The following FOXP2 variants were observed in gnomAD, a reference collection of about 807,000 sequenced individuals.
The protein encoded by FOXP2 is forkhead box P2, also known as forkhead box protein P2.
A neutral mutation model predicts 115.8 loss-of-function variants in FOXP2; 12 were observed. That is an observed-to-expected ratio of 0.10 (90% CI 0.07 to 0.17). The LOEUF (loss-of-function observed/expected upper bound fraction) is 0.17, where lower values mean the gene tolerates loss of function less well. FOXP2 is among the 10% of genes least tolerant of loss of function. The pLI is 1.00. For missense variants in FOXP2, 629 were observed against 843.5 expected (o/e 0.75, Z 3.15); for synonymous variants, 328 against 297.7 (o/e 1.10, Z -1.05).
intron 2 of FOXP2, among the ~76,000 whole-genome samples, chr7:114,526,529 C>G (rs926507031): frequency 6.7e-6 from 1 of 150,088 alleles, no homozygotes; most frequent in Non-Finnish European, 1.5e-5. Flanking sequence ...CAAACTGTAA[C>G]TCTCTTTTAT....
intron 2 of FOXP2, among the ~76,000 whole-genome samples, chr7:114,468,774 C>G (rs575430493): frequency 5.2e-4 from 79 of 152,122 alleles, no homozygotes; most frequent in African/African-American, 1.8e-3. Context: ...ATATCTATCC[C>G]CTGCAAACTA....
chr7:114,285,182 TA>T (rs1796437382), intron 1 of FOXP2, among the ~76,000 whole-genome samples: 1 of 152,084 alleles, frequency 6.6e-6, no homozygotes, highest in Non-Finnish European at 1.5e-5. Flanking sequence ...AAATAAATAA[TA>T]AAATTAGTTT....
At chr7:114,635,859 G>C (rs1252188654) in intron 6 of FOXP2, among the ~76,000 whole-genome samples, 1 of 152,068 alleles carries the variant, frequency 6.6e-6, no homozygotes, top group African/African-American at 2.4e-5. Context: ...TTTTGTAATA[G>C]AATATCCATC....
chr7:114,258,489 C>T (rs1301639988), intron 1 of FOXP2, among the ~76,000 whole-genome samples: 2 of 152,116 alleles, frequency 1.3e-5, no homozygotes, highest in Non-Finnish European at 2.9e-5. Flanking sequence ...TCTGGAATGG[C>T]CCAGGAACAC....
chr7:114,240,186 G>A (rs1795115408), intron 1 of FOXP2, among the ~76,000 whole-genome samples: 1 of 152,274 alleles, frequency 6.6e-6, no homozygotes, highest in East Asian at 1.9e-4. Flanking sequence ...AGAAACAATG[G>A]CACTTGAAAG....
chr7:114,616,165 G>A (rs576632990), intron 3 of FOXP2, among the ~76,000 whole-genome samples: 5 of 147,454 alleles, frequency 3.4e-5, no homozygotes, highest in East Asian at 3.9e-4. Flanking sequence ...TTTTGTTGTC[G>A]TTTTTGTTTT....
intron 2 of FOXP2, among the ~76,000 whole-genome samples, chr7:114,451,820 A>G (rs886674055): frequency 3.3e-5 from 5 of 152,082 alleles, no homozygotes; most frequent in Non-Finnish European, 7.4e-5. Context: ...GAAAGTGACA[A>G]TTAAGCTAAG....
At position 114,329,660 on chromosome 7, in the gene FOXP2, ATTTATTTATTTATTTATTTATT is replaced by A; in HGVS notation, c.-11+41553_-11+41574del. On this transcript the variant is annotated intron_variant, in intron 2 of 17. Coordinates refer to the FOXP2 transcript ENST00000634411. ...CTATGTAAGTTTTATTTATTTATTTATTTATTTATTTATTTATTTATTTATTTATTTTATGAGATGCAGTCTT... is the reference window on the plus strand; with the variant it reads ...CTATGTAAGTTTTATTTATTTATTTATATTTATTTTATGAGATGCAGTCTT... 7.1e-5 allele frequency among the ~76,000 whole-genome samples: 2 copies of A among 28,368 alleles called. 1 individual carries two copies. The highest frequency in any genetic ancestry group is 1.1e-3 in the Admixed American group (2 of 1,798). 18.6% of individuals were successfully genotyped at this position (28,368 alleles called of 152,430 possible).
chr7:114,514,791 T>C (rs1798248545), intron 2 of FOXP2, among the ~76,000 whole-genome samples: 1 of 151,996 alleles, frequency 6.6e-6, no homozygotes, highest in Non-Finnish European at 1.5e-5. Context: ...TATGTATACA[T>C]GTGCCATGCT....
chr7:114,663,492 T>C lies in FOXP2; in HGVS notation c.1812T>C (p.Tyr604=). ...LVKNIPTSLG[Y]GAALNASLQA... The stretch of plus-strand genomic sequence containing the variant: ...AAAATATACCTACCAGTTTAGGCTA[T>C]GGAGCAGCTCTTAATGCCAGTTTGC... Residue 604 remains tyrosine (Y), a synonymous_variant, in exon 15 of 17, where the codon TAT becomes TAC. Coordinates refer to ENST00000350908, the MANE Select transcript of FOXP2 (RefSeq NM_014491.4). 2 of 1,612,580 alleles carry C rather than the reference T, an allele frequency of 1.2e-6. No individual in the cohort carries two copies. Among genetic ancestry groups the C allele is most frequent in the Non-Finnish European group, 1.7e-6 (2 of 1,179,216 alleles).
At chr7:114,427,062 G>T (rs1056507318) in intron 2 of FOXP2, among the ~76,000 whole-genome samples, 12 of 151,808 alleles carry the variant, frequency 7.9e-5, no homozygotes, top group African/African-American at 2.7e-4. Flanking sequence ...ATTTCTTCAA[G>T]TCTGAGCTAA....
intron 4 of FOXP2, chr7:114,629,587 T>G: frequency 1.9e-6 from 3 of 1,544,178 alleles, no homozygotes; most frequent in Non-Finnish European, 2.6e-6. Context: ...TACCCTTTTG[T>G]TTAGGATTTT....
Position 114,284,505 on chromosome 7 carries a change from G to T in FOXP2, c.-101-3514G>T, listed in dbSNP as rs139521651. ...TTATGGCTTTAGGTTTCTAAAATAA[G>T]AGTTTTCTATATATCATTAAGTGAA... On this transcript the variant is annotated intron_variant, in intron 1 of 17. Coordinates refer to the FOXP2 transcript ENST00000634411. Among the ~76,000 whole-genome samples, 808 of 152,174 alleles carry T rather than the reference G, an allele frequency of 5.3e-3. 8 individuals carry two copies. Among genetic ancestry groups the T allele is most frequent in the African/African-American group, 0.019 (775 of 41,518 alleles).
chr7:114,223,361 C>A (rs944880052), intron 1 of FOXP2, among the ~76,000 whole-genome samples: 1 of 151,506 alleles, frequency 6.6e-6, no homozygotes, highest in African/African-American at 2.4e-5. Context: ...TCAGGTTGAT[C>A]AGCTTTTTAT....
upstream of FOXP2, among the ~76,000 whole-genome samples, chr7:114,159,633 A>G (rs1792776271): frequency 1.3e-5 from 2 of 152,150 alleles, no homozygotes; most frequent in South Asian, 4.1e-4. Context: ...ATAGCTATTA[A>G]TAATTGCAAT....
intron 2 of FOXP2, among the ~76,000 whole-genome samples, chr7:114,449,621 A>C (rs1794985114): frequency 6.6e-6 from 1 of 152,090 alleles, no homozygotes; most frequent in African/African-American, 2.4e-5. Context: ...TTTGAATAGA[A>C]TCTTGAATAC....
chr7:114,390,522 G>GTATGTATTTATT (rs1554382697), intron 2 of FOXP2, among the ~76,000 whole-genome samples: 24 of 148,364 alleles, frequency 1.6e-4, no homozygotes, highest in African/African-American at 5.0e-4. Context: ...TTTTATTTAT[G>GTATGTATTTATT]TATTTATTTA....
intron 2 of FOXP2, among the ~76,000 whole-genome samples, chr7:114,322,797 G>A (rs1797458173): frequency 6.6e-6 from 1 of 152,082 alleles, no homozygotes; most frequent in South Asian, 2.1e-4. Flanking sequence ...GTTGTGTTGT[G>A]ATATTTTGTA....
chr7:114,480,048 G>C (rs1187193557), intron 2 of FOXP2, among the ~76,000 whole-genome samples: 1 of 151,160 alleles, frequency 6.6e-6, no homozygotes, highest in African/African-American at 2.4e-5. Flanking sequence ...TGGACTTTAG[G>C]GGGCAGTGAC....
Sources: allele counts gnomAD v4.1 joint callset (sites outside exome capture counted in the v4.1 genomes callset), GRCh38; gene constraint gnomAD v4.1.1; transcripts MANE v1.5; gene names NCBI Gene and HGNC (gene_info 2026-07-23, HGNC 2026-07-21).